ERV3-1: variants seen among roughly 807,000 people sequenced by gnomAD.
ERV3-1 encodes the protein endogenous retrovirus group 3 member 1, envelope, also known as endogenous retrovirus group 3 member 1 Env polyprotein.
A neutral mutation model predicts 24.6 loss-of-function variants in ERV3-1; 36 were observed. The ratio of observed to expected loss-of-function variants is 1.47; its 90% CI spans 1.12 to 1.94. ERV3-1 has a LOEUF of 1.94. Ranked by LOEUF, ERV3-1 falls within the 30% of genes most tolerant of loss-of-function variation. The pLI, the probability that ERV3-1 is intolerant of heterozygous loss-of-function variation, is 0.00. For synonymous variants in ERV3-1, 211 were observed against 122.6 expected, an observed-to-expected ratio of 1.72 and a Z score of -4.76; for missense variants, 578 against 330.9, an observed-to-expected ratio of 1.75 and a Z score of -5.79.
At position 64,992,696 on chromosome 7, in the gene ERV3-1, GAA is replaced by G. The variant is rs1418694978; in HGVS notation, c.329_330del (p.Phe110SerfsTer12). 2 of 766,282 alleles carry G rather than the reference GAA, an allele frequency of 2.6e-6. No homozygotes were observed. The highest frequency in any genetic ancestry group is 4.8e-6 in the Non-Finnish European group (2 of 417,924). The allele number at this position is 766,282 out of a possible 1,614,324, so 47.5% of individuals were successfully genotyped here. ...EGDLLNQTKV[F>X]PSGKDVVSLY... ...AAGGATACGACATCCTTGCCAGAGG[GAA>G]ATACCTTGGTTTGGTTTAGAAGATC... On this transcript the variant is annotated frameshift_variant, in exon 2 of 2. Transcript: ENST00000394323. LOFTEE classifies it high-confidence loss of function.
chr7:64,990,482 T>C lies in ERV3-1; in HGVS notation c.*730A>G. 1 of 179,484 alleles carries C rather than the reference T, an allele frequency of 5.6e-6. No homozygotes were observed. 11.1% of individuals were successfully genotyped at this position (179,484 alleles called of 1,614,324 possible). A position where few individuals can be genotyped will look rare whatever the true frequency, so the allele number is the denominator to read the frequency against. ...CATCAGGCAGGGGCAAGTCGGGTTT[T>C]TGGCGCAAAACCTGCGAGGTGAGAA... On this transcript the variant is annotated 3_prime_UTR_variant, in exon 2 of 2. Transcript: ENST00000394323.
intron 1 of ERV3-1, among the ~76,000 whole-genome samples, chr7:64,994,249 C>T (rs1271144700): frequency 1.2e-4 from 18 of 152,110 alleles, no homozygotes; most frequent in Non-Finnish European, 2.4e-4. Flanking sequence ...CAGTGAGTCG[C>T]GGCACATAGA....
At position 64,991,711 on chromosome 7, in the gene ERV3-1, A is replaced by C; in HGVS notation, c.1316T>G (p.Leu439Arg). 1 of 759,644 alleles carries C rather than the reference A, an allele frequency of 1.3e-6. No homozygotes were observed. The highest frequency in any genetic ancestry group is 2.4e-6 in the Non-Finnish European group (1 of 414,864). The allele number at this position is 759,644 out of a possible 1,614,324, so 47.1% of individuals were successfully genotyped here. The change falls in exon 2 of 2, where the codon CTG becomes CGG. Residue 439 changes from leucine (L) to arginine (R), a missense_variant. By Grantham distance (102) the Leu-to-Arg change is moderately radical. Coordinates refer to ENST00000394323, the MANE Select transcript of ERV3-1 (RefSeq NM_001007253.4). ...GAAGAAGGACGGCCTAATTGTCCCC[A>C]GTACACAGGCCCCTGACCATTTAGC... ...LPAKWSGACV[L>R]GTIRPSFFLM...
At chr7:64,995,627 TG>T (rs1263156121) in intron 1 of ERV3-1, among the ~76,000 whole-genome samples, 1 of 152,170 alleles carries the variant, frequency 6.6e-6, no homozygotes, top group African/African-American at 2.4e-5. Context: ...TGGTTGGAGT[TG>T]GAAGTGCACA....
chr7:64,995,097 A>C (rs1332867004), intron 1 of ERV3-1, among the ~76,000 whole-genome samples: 1 of 152,202 alleles, frequency 6.6e-6, no homozygotes, highest in Admixed American at 6.5e-5. Flanking sequence ...TTATGCGTGG[A>C]TTTTCACATA....
At chr7:65,001,599 C>T (rs1786525865) in intron 1 of ERV3-1, among the ~76,000 whole-genome samples, 1 of 152,136 alleles carries the variant, frequency 6.6e-6, no homozygotes, top group Admixed American at 6.5e-5. Context: ...TCTAAGTTTT[C>T]AGTCCTCTCT....
intron 1 of ERV3-1, chr7:65,004,102 A>T (rs1170434379): frequency 6.6e-6 from 1 of 152,272 alleles, no homozygotes; most frequent in African/African-American, 2.4e-5. Flanking sequence ...CTGTAATCCC[A>T]GCACTTTGGG....
chr7:65,003,356 C>A (rs1433516316), intron 1 of ERV3-1, among the ~76,000 whole-genome samples: 1 of 152,184 alleles, frequency 6.6e-6, no homozygotes, highest in African/African-American at 2.4e-5. Context: ...GTGGCACCTG[C>A]CTGTAATCCC....
At chr7:64,999,352 G>C (rs1786471894) in intron 1 of ERV3-1, among the ~76,000 whole-genome samples, 1 of 152,202 alleles carries the variant, frequency 6.6e-6, no homozygotes, top group Non-Finnish European at 1.5e-5. Flanking sequence ...AATGTTGTGG[G>C]AATCAGGAGG....
rs760146322 is a variant in ERV3-1, at chr7:64,993,006, T to C, written c.21A>G (p.Leu7=). The part of the protein sequence containing the change: MLGMNM[L]LITLFLLLPL... ...GGAGTAGCAAGAACAAAGTGATGAG[T>C]AGCATGTTCATACCCAGCATGGACA... Residue 7 remains leucine, a synonymous_variant, in exon 2 of 2, where the codon CTA becomes CTG. Transcript: ENST00000394323. 1 of 761,746 alleles carries C rather than the reference T, an allele frequency of 1.3e-6. No homozygotes were observed. Among genetic ancestry groups the C allele is most frequent in the South Asian group, 1.3e-5 (1 of 74,416 alleles). The allele number at this position is 761,746 out of a possible 1,614,324, so 47.2% of individuals were successfully genotyped here.
chr7:64,999,336 C>T (rs900615928), intron 1 of ERV3-1, among the ~76,000 whole-genome samples: 5 of 152,184 alleles, frequency 3.3e-5, no homozygotes, highest in African/African-American at 1.2e-4. Context: ...CTGGCTGGCT[C>T]GCCAAAATGT....
Position 64,992,578 on chromosome 7 carries a change from C to T in ERV3-1, c.449G>A (p.Arg150Lys), listed in dbSNP as rs946950480. 7.8e-6 allele frequency: 6 copies of T among 766,248 alleles called. No homozygotes were observed. The highest frequency in any genetic ancestry group is 1.4e-5 in the Non-Finnish European group (6 of 417,914). The allele number at this position is 766,248 out of a possible 1,614,324, so 47.5% of individuals were successfully genotyped here. Residue 150 changes from arginine (R) to lysine (K), a missense_variant, in exon 2 of 2, where the codon AGG becomes AAG. Transcript: ENST00000394323. ...GGTGGAACAAGCAGGGTGTGCATAC[C>T]TATTTTTATGGCAGCTACTATAGTA... ...MEYYSSCHKN[R>K]YAHPACSTDS...
chr7:64,996,505 T>C (rs1248020422), intron 1 of ERV3-1, among the ~76,000 whole-genome samples: 2 of 152,226 alleles, frequency 1.3e-5, no homozygotes, highest in African/African-American at 2.4e-5. Context: ...TCATGTATAG[T>C]CTCCATTCCT....
At chr7:64,999,713 G>A (rs1312977431) in intron 1 of ERV3-1, among the ~76,000 whole-genome samples, 7 of 152,214 alleles carry the variant, frequency 4.6e-5, no homozygotes, top group Non-Finnish European at 1.5e-5. Flanking sequence ...AGTTGTGAGA[G>A]CAGAACAAAG....
At position 64,991,689 on chromosome 7, in the gene ERV3-1, G is replaced by T; in HGVS notation, c.1338C>A (p.Phe446Leu). 2.7e-6 allele frequency: 2 copies of T among 740,110 alleles called. No individual in the cohort carries two copies. 45.8% of individuals were successfully genotyped at this position (740,110 alleles called of 1,614,324 possible). A position where few individuals can be genotyped will look rare whatever the true frequency, so the allele number is the denominator to read the frequency against. ...CTCCCTGTTTTAGGGGCATTAGGAAGAAGGACGGCCTAATTGTCCCCAGTA... is the reference window on the plus strand; with the variant it reads ...CTCCCTGTTTTAGGGGCATTAGGAATAAGGACGGCCTAATTGTCCCCAGTA... The part of the protein sequence containing the change: ...ACVLGTIRPS[F>L]FLMPLKQGEA... The change falls in exon 2 of 2, where the codon TTC (phenylalanine) becomes TTA (leucine). Residue 446 changes from phenylalanine to leucine, a missense_variant. Physicochemically the swap from Phe to Leu is conservative, Grantham distance 22. Transcript: ENST00000394323.
chr7:64,994,250 G>A (rs766766404), intron 1 of ERV3-1, among the ~76,000 whole-genome samples: 4 of 151,996 alleles, frequency 2.6e-5, no homozygotes, highest in South Asian at 2.1e-4. Context: ...AGTGAGTCGC[G>A]GCACATAGAA....
chr7:64,992,753 ACCAGGT>A lies in ERV3-1; in HGVS notation c.268_273del (p.Thr90_Trp91del). 1.3e-6 allele frequency: 1 copy of A among 766,410 alleles called. No individual in the cohort carries two copies. The highest frequency in any genetic ancestry group is 2.4e-6 in the Non-Finnish European group (1 of 417,892). The allele number at this position is 766,410 out of a possible 1,614,324, so 47.5% of individuals were successfully genotyped here. ...TCCTTTGACCCGACATGAATTTCAA[ACCAGGT>A]CCCAGGTGAAGACTTAGGGTCATAA... is the stretch of plus-strand genomic sequence containing the variant. On this transcript the variant is annotated inframe_deletion, in exon 2 of 2. Transcript: ENST00000394323.
chr7:65,001,018 G>T (rs549160507), intron 1 of ERV3-1, among the ~76,000 whole-genome samples: 1 of 151,980 alleles, frequency 6.6e-6, no homozygotes, highest in South Asian at 2.1e-4. Flanking sequence ...GAGAAACAAC[G>T]GTCACTGAGG....
At chr7:65,005,883 T>C (rs184069254) in intron 1 of ERV3-1, among the ~76,000 whole-genome samples, 2 of 152,306 alleles carry the variant, frequency 1.3e-5, no homozygotes, top group Admixed American at 1.3e-4. Context: ...AAATTCAGGC[T>C]TAACCAACTA....
Sources: allele counts gnomAD v4.1 joint callset (sites outside exome capture counted in the v4.1 genomes callset), GRCh38; gene constraint gnomAD v4.1.1; transcripts MANE v1.5; gene names NCBI Gene and HGNC (gene_info 2026-07-23, HGNC 2026-07-21).